The following FAM227B variants were observed in gnomAD, a reference collection of about 807,000 sequenced individuals.
FAM227B encodes family with sequence similarity 227 member B, also known as protein FAM227B.
A neutral mutation model predicts 73.8 loss-of-function variants in FAM227B; 88 were observed. That is an observed-to-expected ratio of 1.19 (90% confidence interval 1.00 to 1.42). The LOEUF (loss-of-function observed/expected upper bound fraction) is 1.42, where lower values mean the gene tolerates loss of function less well. Ranked by LOEUF, FAM227B falls within the 40% of genes most tolerant of loss-of-function variation. The pLI is 0.00. For synonymous variants in FAM227B, 210 were observed against 190.5 expected, an observed-to-expected ratio of 1.10 and a Z score of -0.84; for missense variants, 632 against 590.9, an observed-to-expected ratio of 1.07 and a Z score of -0.72.
chr15:49,342,336 A>G (rs1437917770), intron 13 of FAM227B, among the ~76,000 whole-genome samples: 2 of 152,108 alleles, frequency 1.3e-5, no homozygotes, highest in Non-Finnish European at 2.9e-5. Context: ...TATCTGGTAT[A>G]AGAATAGTGA....
intron 3 of FAM227B, among the ~76,000 whole-genome samples, chr15:49,610,671 C>T (rs942765397): frequency 1.3e-5 from 2 of 152,086 alleles, no homozygotes; most frequent in African/African-American, 4.8e-5. Flanking sequence ...TGACATTCCT[C>T]AATGCAAAAC....
At chr15:49,429,665 TAAA>T (rs1272147398) in intron 11 of FAM227B, among the ~76,000 whole-genome samples, 4 of 151,838 alleles carry the variant, frequency 2.6e-5, no homozygotes, top group African/African-American at 9.7e-5. Flanking sequence ...TGGGGAACTT[TAAA>T]AAAATACTGA....
chr15:49,557,221 AT>A (rs1162024038), intron 9 of FAM227B, among the ~76,000 whole-genome samples: 4 of 151,988 alleles, frequency 2.6e-5, no homozygotes, highest in Non-Finnish European at 5.9e-5. Flanking sequence ...AGAAATTATT[AT>A]TTACTTTATG....
chr15:49,544,096 T>C (rs1376251063), intron 9 of FAM227B, among the ~76,000 whole-genome samples: 1 of 152,228 alleles, frequency 6.6e-6, no homozygotes, highest in African/African-American at 2.4e-5. Context: ...ATGATCATTT[T>C]CACAATATTG....
intron 13 of FAM227B, among the ~76,000 whole-genome samples, chr15:49,351,240 A>C (rs2042200971): frequency 6.6e-6 from 1 of 152,206 alleles, no homozygotes; most frequent in Non-Finnish European, 1.5e-5. Flanking sequence ...TTTCAGTTTC[A>C]AATGTCTTCC....
At chr15:49,431,647 A>G (rs748482852) in intron 11 of FAM227B, among the ~76,000 whole-genome samples, 3 of 151,766 alleles carry the variant, frequency 2.0e-5, no homozygotes, top group Non-Finnish European at 4.4e-5. Flanking sequence ...TACTTGATAG[A>G]GTCATTAGCT....
rs554154109 is a variant in FAM227B at position 49,382,809 on chromosome 15, A to C, written c.1013-11410T>G. ...CCTTTTTTATGGAGGCCTTATAAAG[A>C]AAAGACTCTATGGGTAGCTGATAAA... On this transcript the variant is annotated intron_variant, in intron 11 of 15. Coordinates refer to ENST00000299338, the MANE Select transcript of FAM227B (RefSeq NM_152647.3). 7.2e-5 allele frequency among the ~76,000 whole-genome samples: 11 copies of C among 152,244 alleles called. No homozygotes were observed. The South Asian group carries it at 2.3e-3, about 32-fold the overall frequency.
intron 11 of FAM227B, chr15:49,484,948 T>C (rs2056283409): frequency 6.6e-6 from 1 of 152,630 alleles, no homozygotes; most frequent in Non-Finnish European, 1.5e-5. Flanking sequence ...GCAGGATTTG[T>C]CAGATAATCA....
intron 11 of FAM227B, among the ~76,000 whole-genome samples, chr15:49,440,483 A>G (rs529891753): frequency 3.4e-4 from 51 of 151,886 alleles, no homozygotes; most frequent in African/African-American, 1.2e-3. Flanking sequence ...TTGAAACTGA[A>G]ATTGAAACTA....
chr15:49,329,808 A>T, intron 15 of FAM227B: 1 of 362,542 alleles, frequency 2.8e-6, no homozygotes, highest in Non-Finnish European at 3.6e-6. Flanking sequence ...GATCAGTGTA[A>T]AAAAAAAAAA....
chr15:49,468,008 CT>C (rs1597387386), intron 11 of FAM227B, among the ~76,000 whole-genome samples: 1 of 152,214 alleles, frequency 6.6e-6, no homozygotes, highest in East Asian at 1.9e-4. Context: ...TGATATAGTT[CT>C]AACGCTGCTG....
chr15:49,434,047 C>G (rs535683114), intron 11 of FAM227B, among the ~76,000 whole-genome samples: 4 of 151,626 alleles, frequency 2.6e-5, no homozygotes, highest in African/African-American at 9.7e-5. Flanking sequence ...GAAGAGAGAA[C>G]TGGGGAGAAG....
At chr15:49,565,828 G>C (rs569454220) in intron 9 of FAM227B, among the ~76,000 whole-genome samples, 1 of 152,238 alleles carries the variant, frequency 6.6e-6, no homozygotes, top group South Asian at 2.1e-4. Flanking sequence ...CCTTGTAAGA[G>C]GGCAGCTGAG....
At chr15:49,499,129 G>GCA (rs2152083293) in intron 11 of FAM227B, among the ~76,000 whole-genome samples, 1 of 122,156 alleles carries the variant, frequency 8.2e-6, no homozygotes, top group South Asian at 2.6e-4. Flanking sequence ...TCCCGCCACT[G>GCA]CACTCCAGCC....
At chr15:49,552,752 T>C (rs1162373807) in intron 9 of FAM227B, among the ~76,000 whole-genome samples, 1 of 152,142 alleles carries the variant, frequency 6.6e-6, no homozygotes, top group African/African-American at 2.4e-5. Context: ...TCCATTCTGC[T>C]ATTTAAGGAC....
At chr15:49,552,817 C>T (rs937228611) in intron 9 of FAM227B, among the ~76,000 whole-genome samples, 4 of 152,100 alleles carry the variant, frequency 2.6e-5, no homozygotes, top group African/African-American at 9.7e-5. Flanking sequence ...ATTTCTGCTT[C>T]TTTTTATTTC....
intron 11 of FAM227B, among the ~76,000 whole-genome samples, chr15:49,418,828 T>C (rs1170825386): frequency 6.6e-6 from 1 of 152,040 alleles, no homozygotes; most frequent in Non-Finnish European, 1.5e-5. Flanking sequence ...CAATTTCAGA[T>C]ATGCAAAGAA....
intron 1 of FAM227B, among the ~76,000 whole-genome samples, chr15:49,617,371 G>C (rs1490516046): frequency 6.6e-6 from 1 of 152,070 alleles, no homozygotes; most frequent in Non-Finnish European, 1.5e-5. Context: ...AACCAAAACT[G>C]CATGTTATAA....
chr15:49,557,787 T>G (rs1465655304), intron 9 of FAM227B, among the ~76,000 whole-genome samples: 3 of 152,176 alleles, frequency 2.0e-5, no homozygotes, highest in South Asian at 2.1e-4. Flanking sequence ...GCCTCCAGAT[T>G]GAGATGGAGA....
Sources: allele counts gnomAD v4.1 joint callset (sites outside exome capture counted in the v4.1 genomes callset), GRCh38; gene constraint gnomAD v4.1.1; transcripts MANE v1.5; gene names NCBI Gene and HGNC (gene_info 2026-07-23, HGNC 2026-07-21).